ZBTB17: variants seen among roughly 807,000 people sequenced by gnomAD.
ZBTB17 encodes zinc finger and BTB domain-containing protein 17.
In ZBTB17, 24 loss-of-function variants were observed where a neutral mutation model predicts 85.1. The ratio of observed to expected loss-of-function variants is 0.28; its 90% CI spans 0.20 to 0.40. The LOEUF is 0.40. ZBTB17 is among the 10% of genes least tolerant of loss of function. The pLI is 1.00. For missense variants in ZBTB17, 743 were observed against 1,105.1 expected (o/e 0.67, Z 4.65); for synonymous variants, 464 against 460.2 (o/e 1.01, Z -0.11).
At chr1:15,944,913 AG>A (rs1557773823) in intron 7 of ZBTB17, 23 bp downstream of exon 7, 2 of 1,562,552 alleles carry the variant, frequency 1.3e-6, no homozygotes, top group Non-Finnish European at 1.7e-6. Flanking sequence ...GCTGGCTGGG[AG>A]GGCTGGCCAT....
Position 15,944,584 on chromosome 1 carries a change from C to A in ZBTB17, c.1087G>T (p.Gly363Cys). The part of the protein sequence containing the change: ...EKTHSPLKPY[G>C]CEECGKSYRL... ...TAGCTCTTCCCGCACTCCTCGCAGC[C>A]GTAGGGCTTCAGAGGGCTGCAGGGC... Residue 363 changes from glycine to cysteine, a missense_variant, in exon 9 of 16, where the codon GGC becomes TGC. This residue lies in a region of ZBTB17 where 321 missense variants were observed against 615.7 expected (regional missense o/e 0.52). Transcript: ENST00000375743. The A allele has an allele frequency of 1.3e-6, 2 of 1,598,982 alleles. No homozygotes were observed. Among genetic ancestry groups the A allele is most frequent in the Non-Finnish European group, 1.7e-6 (2 of 1,179,306 alleles).
intron 2 of ZBTB17, among the ~76,000 whole-genome samples, chr1:15,957,771 A>G (rs992520075): frequency 2.6e-5 from 4 of 152,284 alleles, no homozygotes; most frequent in Admixed American, 2.6e-4. Flanking sequence ...CAACACCATT[A>G]GCTGATCAAG....
intron 2 of ZBTB17, among the ~76,000 whole-genome samples, chr1:15,962,832 T>A (rs1202637295): frequency 6.6e-6 from 1 of 152,140 alleles, no homozygotes; most frequent in East Asian, 1.9e-4. Context: ...TCCCAGCTAC[T>A]CGAAAGGCTG....
Position 15,946,289 on chromosome 1 carries a change from C to A in ZBTB17, c.400G>T (p.Asp134Tyr). The A allele has an allele frequency of 1.2e-6, 2 of 1,612,726 alleles. No individual in the cohort carries two copies. The highest frequency in any genetic ancestry group is 4.5e-5 in the East Asian group (2 of 44,846). ...ACCTTCTCCTCTTTGGCTCTCTTGTCCCCTCCTGGAGATGGAACAGGGCAG... is the reference window on the plus strand; with the variant it reads ...ACCTTCTCCTCTTTGGCTCTCTTGTACCCTCCTGGAGATGGAACAGGGCAG... ...NAEALATEGGDKRAKEEKVAT... is the reference protein window; with the variant it reads ...NAEALATEGGYKRAKEEKVAT... Residue 134 changes from aspartate to tyrosine, a missense_variant, in exon 5 of 16, where the codon GAC becomes TAC. Asp to Tyr is a radical substitution (Grantham distance 160). Transcript: ENST00000375743.
rs756780513 is a variant in ZBTB17, at chr1:15,943,908, A to T, written c.1372-13T>A. On this transcript the variant is annotated splice_polypyrimidine_tract_variant and intron_variant, in intron 9 of 15. Transcript: ENST00000375743. ...TCAGGTTCCCTACCTGTGCCCAGGG[A>T]GGGGTCAGGGGGGCCACCCCACAGA... The T allele has an allele frequency of 6.3e-7, 1 of 1,581,228 alleles. No homozygotes were observed. Among genetic ancestry groups the T allele is most frequent in the African/African-American group, 1.3e-5 (1 of 74,082 alleles).
intron 2 of ZBTB17, among the ~76,000 whole-genome samples, chr1:15,968,783 G>A (rs1164931585): frequency 6.6e-6 from 1 of 152,224 alleles, no homozygotes; most frequent in Non-Finnish European, 1.5e-5. Flanking sequence ...GATAGCCCCT[G>A]CCACAGGGCA....
At chr1:15,961,725 G>T (rs2072266547) in intron 2 of ZBTB17, among the ~76,000 whole-genome samples, 1 of 152,180 alleles carries the variant, frequency 6.6e-6, no homozygotes, top group South Asian at 2.1e-4. Context: ...CAGCCGCTTT[G>T]AAGTGCAAAC....
chr1:15,959,624 G>A lies in ZBTB17; in HGVS notation c.-2-11127C>T, dbSNP rs77506611. Among the ~76,000 whole-genome samples, 453 of 149,482 alleles carry A rather than the reference G, an allele frequency of 3.0e-3. 2 individuals carry two copies. The highest frequency in any genetic ancestry group is 0.011 in the African/African-American group (438 of 40,652). On this transcript the variant is annotated intron_variant, in intron 2 of 15. Transcript: ENST00000375743. ...AGTAGACAGAGGGAAGGAGGGAGGA[G>A]AGGGAGGAGAGGAAGGGAGGGAGGG...
intron 2 of ZBTB17, among the ~76,000 whole-genome samples, chr1:15,958,734 C>T (rs532354834): frequency 1.8e-4 from 28 of 152,242 alleles, no homozygotes; most frequent in African/African-American, 5.8e-4. Flanking sequence ...CCTGGGACGA[C>T]GTGACCACAC....
Position 15,968,203 on chromosome 1 carries a change from C to T in ZBTB17, c.-3+4836G>A, listed in dbSNP as rs532648825. Among the ~76,000 whole-genome samples, 22 of 152,312 alleles carry T rather than the reference C, an allele frequency of 1.4e-4. No homozygotes were observed. In the South Asian group the frequency reaches 4.1e-3, roughly 29 times the overall value. ...CTCTCACAGTTAAGGTCAGAGTTCACCATGTCTATTTCCCATATGACAGCC... is the reference window on the plus strand; with the variant it reads ...CTCTCACAGTTAAGGTCAGAGTTCATCATGTCTATTTCCCATATGACAGCC... On this transcript the variant is annotated intron_variant, in intron 2 of 15. Coordinates refer to ENST00000375743, the MANE Select transcript of ZBTB17 (RefSeq NM_003443.3).
chr1:15,948,586 C>T, intron 2 of ZBTB17, 89 bp from the exon 3 acceptor site: 1 of 1,347,112 alleles, frequency 7.4e-7, no homozygotes, highest in Non-Finnish European at 1.0e-6. Context: ...AGGCGAGCAC[C>T]ATGGAGAAGA....
At position 15,946,211 on chromosome 1, in the gene ZBTB17, C is replaced by G. The variant is rs2071604304; in HGVS notation, c.478G>C (p.Gly160Arg). 6.2e-7 allele frequency: 1 copy of G among 1,613,380 alleles called. No homozygotes were observed. Among genetic ancestry groups the G allele is most frequent in the African/African-American group, 1.3e-5 (1 of 75,042 alleles). The part of the protein sequence containing the change: ...LEQAGRSTPI[G>R]PSRDLKEERG... ...TCCTCCTTGAGGTCCCTGCTGGGGC[C>G]TATGGGTGTGCTGCGTCCTGCCTGC... The change falls in exon 5 of 16, where the codon GGC (glycine) becomes CGC (arginine). Residue 160 changes from glycine to arginine, a missense_variant. Transcript: ENST00000375743.
intron 2 of ZBTB17, among the ~76,000 whole-genome samples, chr1:15,956,368 A>G (rs1292684999): frequency 6.6e-6 from 1 of 152,222 alleles, no homozygotes; most frequent in East Asian, 1.9e-4. Flanking sequence ...TCAAGTAGGG[A>G]ACAGGCCTGT....
At chr1:15,963,936 G>A (rs530006854) in intron 2 of ZBTB17, among the ~76,000 whole-genome samples, 21 of 150,946 alleles carry the variant, frequency 1.4e-4, no homozygotes, top group African/African-American at 4.9e-4. Flanking sequence ...AAGAGACCCT[G>A]TCTTTACCAA....
chr1:15,945,569 A>G, intron 6 of ZBTB17, 146 bp downstream of exon 6: 2 of 1,202,940 alleles, frequency 1.7e-6, no homozygotes, highest in Non-Finnish European at 2.3e-6. Context: ...ACATGCGAAG[A>G]CCAAGGTGTC....
chr1:15,950,587 A>C (rs848188), intron 2 of ZBTB17, among the ~76,000 whole-genome samples: 16,204 of 152,250 alleles, frequency 0.11, 1,243 homozygotes, highest in Admixed American at 0.23. Flanking sequence ...CTGGCTTCAG[A>C]AGCAGCCCAT....
rs1031714729 is a variant in ZBTB17, at chr1:15,944,387, G to A, written c.1284C>T (p.Ser428=). Reference sequence around the variant, plus strand: ...GGTGGCGCATCTTGGAAGTGGGGTCGGAGAAGGAGCGGCCGCAGTAGTCGC... The same window carrying A: ...GGTGGCGCATCTTGGAAGTGGGGTCAGAGAAGGAGCGGCCGCAGTAGTCGC... ...YQCDYCGRSF[S]DPTSKMRHLE... is the part of the protein sequence containing the mutation. The change falls in exon 9 of 16, where the codon TCC becomes TCT. Residue 428 remains serine, a synonymous_variant. Transcript: ENST00000375743. The A allele has an allele frequency of 4.5e-6, 7 of 1,560,680 alleles. No individual in the cohort carries two copies. In the African/African-American group the frequency reaches 5.5e-5, roughly 12 times the overall value.
intron 1 of ZBTB17, 86 bp downstream of exon 1, chr1:15,975,897 A>C (rs529977116): frequency 2.4e-5 from 14 of 592,580 alleles, no homozygotes; most frequent in Non-Finnish European, 4.1e-5. Flanking sequence ...CACAACCGTC[A>C]CCGGCGTCCC....
At chr1:15,948,805 G>A (rs1193378194) in intron 2 of ZBTB17, among the ~76,000 whole-genome samples, 2 of 152,118 alleles carry the variant, frequency 1.3e-5, no homozygotes, top group Non-Finnish European at 2.9e-5. Flanking sequence ...AGCCAAAAAA[G>A]GGAACAAATA....
Sources: gnomAD v4.1 joint callset for allele counts (sites outside exome capture counted in the v4.1 genomes callset) on GRCh38, gnomAD v4.1.1 for gene constraint, gnomAD v4.1.1 regional missense constraint, MANE v1.5 for transcripts, NCBI Gene and HGNC (gene_info 2026-07-23, HGNC 2026-07-21) for gene names.